Variants in SH3D19 observed in about 807,000 individuals in gnomAD.
SH3D19 encodes SH3 domain containing 19.
SH3D19 carries 58 observed loss-of-function variants against 112.1 expected under a neutral mutation model. The observed-to-expected ratio is 0.52, with a 90% CI of 0.42 to 0.64. The LOEUF (loss-of-function observed/expected upper bound fraction) is 0.64, where lower values mean the gene tolerates loss of function less well. Among genes scored for constraint, SH3D19 ranks in the 30% least tolerant of loss-of-function variants. The probability of loss-of-function intolerance (pLI) is 0.00; values close to 1 mark genes in which losing one functional copy is unlikely to be tolerated. For synonymous variants in SH3D19, 391 were observed against 448.5 expected, an observed-to-expected ratio of 0.87 and a Z score of 1.62; for missense variants, 1,090 against 1,263.4, an observed-to-expected ratio of 0.86 and a Z score of 2.08.
intron 12 of SH3D19, among the ~76,000 whole-genome samples, chr4:151,142,852 T>C (rs1753247175): frequency 2.0e-5 from 3 of 152,166 alleles, no homozygotes. Flanking sequence ...TTATCACCAA[T>C]AGCTGCCCAT....
intron 15 of SH3D19, among the ~76,000 whole-genome samples, chr4:151,133,548 T>C (rs1751196550): frequency 6.6e-6 from 1 of 152,168 alleles, no homozygotes; most frequent in Admixed American, 6.5e-5. Context: ...GCCACAGCAA[T>C]CCGTGGTCCA....
At chr4:151,306,861 G>A (rs1728962099) in intron 1 of SH3D19, among the ~76,000 whole-genome samples, 1 of 152,160 alleles carries the variant, frequency 6.6e-6, no homozygotes, top group Non-Finnish European at 1.5e-5. Context: ...CACTGGACTT[G>A]TCCCTCATGT....
intron 2 of SH3D19, among the ~76,000 whole-genome samples, chr4:151,200,740 G>C (rs1385309326): frequency 6.6e-6 from 1 of 152,216 alleles, no homozygotes; most frequent in Non-Finnish European, 1.5e-5. Context: ...CAAAAAAACT[G>C]AGGAAACATT....
chr4:151,129,509 A>G (rs2149730992), intron 17 of SH3D19, among the ~76,000 whole-genome samples: 1 of 152,274 alleles, frequency 6.6e-6, no homozygotes, highest in East Asian at 1.9e-4. Context: ...AGCTAGGACT[A>G]CAGGTGCACA....
Position 151,135,080 on chromosome 4 carries a change from C to T in SH3D19, c.2480G>A (p.Cys827Tyr), listed in dbSNP as rs759704279. ...GAACACAAATAAAACTTACTTAACA[C>T]AATGAGATGAAACACATTCTCTTTT... ...NGKRECVSSH[C>Y]VKGSRCVARF... Residue 827 changes from cysteine (C) to tyrosine (Y), a missense_variant, in exon 15 of 20, where the codon TGT becomes TAT. Transcript: ENST00000604030. The T allele has an allele frequency of 6.2e-7, 1 of 1,601,836 alleles. No homozygotes were observed. Among genetic ancestry groups the T allele is most frequent in the Admixed American group, 1.7e-5 (1 of 58,526 alleles).
At position 151,169,483 on chromosome 4, in the gene SH3D19, G is replaced by A. The variant is rs116087467; in HGVS notation, c.1535-3787C>T. 6.6e-3 allele frequency among the ~76,000 whole-genome samples: 1,001 copies of A among 152,238 alleles called. 8 individuals carry two copies. The highest frequency in any genetic ancestry group is 0.023 in the African/African-American group (967 of 41,546). ...CCATGTGAGGAGTGCAGATTAGTGG[G>A]GAGGATAAACAGCATCACTTCAATG... On this transcript the variant is annotated intron_variant, in intron 7 of 19. Coordinates refer to ENST00000604030, the MANE Select transcript of SH3D19 (RefSeq NM_001378122.1).
intron 1 of SH3D19, among the ~76,000 whole-genome samples, chr4:151,288,176 G>A (rs1000215090): frequency 6.6e-6 from 1 of 152,010 alleles, no homozygotes; most frequent in Non-Finnish European, 1.5e-5. Context: ...AAAATACTTC[G>A]TGGTAAAATA....
chr4:151,312,762 C>T (rs1286213225), intron 1 of SH3D19, among the ~76,000 whole-genome samples: 1 of 151,682 alleles, frequency 6.6e-6, no homozygotes, highest in Non-Finnish European at 1.5e-5. Context: ...TTAGCTGGGC[C>T]TGGTGGTGGG....
At chr4:151,303,684 A>G (rs1202315174) in intron 1 of SH3D19, among the ~76,000 whole-genome samples, 2 of 152,164 alleles carry the variant, frequency 1.3e-5, no homozygotes, top group African/African-American at 4.8e-5. Context: ...TTAACAACAA[A>G]GAGGAATATA....
rs570648415 is a variant in SH3D19 at position 151,263,187 on chromosome 4, T to C, written c.113-37101A>G. 1.7e-4 allele frequency among the ~76,000 whole-genome samples: 26 copies of C among 152,288 alleles called. No homozygotes were observed. The East Asian group carries it at 4.4e-3, about 26-fold the overall frequency. On this transcript the variant is annotated intron_variant, in intron 1 of 19. Transcript: ENST00000604030. ...TGGTTGATTCTAACAAATTAGTTCTTATATTCATTCTTTTGATGAAATTGA... is the reference window on the plus strand; with the variant it reads ...TGGTTGATTCTAACAAATTAGTTCTCATATTCATTCTTTTGATGAAATTGA...
chr4:151,245,750 C>T (rs545210365), intron 1 of SH3D19, among the ~76,000 whole-genome samples: 11 of 152,210 alleles, frequency 7.2e-5, no homozygotes, highest in South Asian at 2.1e-4. Flanking sequence ...TACAGGCACG[C>T]GCCACCATGC....
chr4:151,222,659 C>CTCTCTCTCAA (rs1272906612), intron 2 of SH3D19, among the ~76,000 whole-genome samples: 2 of 115,398 alleles, frequency 1.7e-5, no homozygotes, highest in African/African-American at 6.2e-5. Flanking sequence ...TCTTTGGTCT[C>CTCTCTCTCAA]TCTCTCTCTT....
intron 1 of SH3D19, among the ~76,000 whole-genome samples, chr4:151,272,018 C>G (rs969921571): frequency 1.3e-5 from 2 of 152,130 alleles, no homozygotes; most frequent in Non-Finnish European, 2.9e-5. Flanking sequence ...GAGCTGTGTT[C>G]AGGAAAGTCC....
chr4:151,310,471 T>G (rs551268435), intron 1 of SH3D19, among the ~76,000 whole-genome samples: 1 of 152,264 alleles, frequency 6.6e-6, no homozygotes, highest in South Asian at 2.1e-4. Context: ...GGTATAGCCA[T>G]TATGGAAAAC....
chr4:151,324,270 T>C (rs1362285033), intron 1 of SH3D19, among the ~76,000 whole-genome samples: 1 of 152,220 alleles, frequency 6.6e-6, no homozygotes, highest in African/African-American at 2.4e-5. Flanking sequence ...CTTCTCTATT[T>C]TTCCAACTTT....
At chr4:151,167,034 A>G (rs1758157418) in intron 7 of SH3D19, among the ~76,000 whole-genome samples, 1 of 152,148 alleles carries the variant, frequency 6.6e-6, no homozygotes, top group Non-Finnish European at 1.5e-5. Context: ...CCAGATGGCA[A>G]GCTAGCTAAA....
intron 1 of SH3D19, among the ~76,000 whole-genome samples, chr4:151,247,850 C>T (rs1771051763): frequency 6.6e-6 from 1 of 152,148 alleles, no homozygotes; most frequent in Non-Finnish European, 1.5e-5. Flanking sequence ...GTACTCTGCA[C>T]AAATAGTATA....
chr4:151,226,056 C>T lies in SH3D19; in HGVS notation c.143G>A (p.Arg48His). The T allele has an allele frequency of 8.1e-6, 10 of 1,231,454 alleles. No individual in the cohort carries two copies. The highest frequency in any genetic ancestry group is 1.0e-5 in the Non-Finnish European group (10 of 987,482). 76.3% of individuals were successfully genotyped at this position (1,231,454 alleles called of 1,614,324 possible). ...DRNERNKPEH[R>H]SSSQGPLSSI... Reference sequence around the variant, plus strand: ...TACTGTAAATTCATACCTTGAAGAACGATGTTCTGGTTTATTTCGTTCGTT... The same window carrying T: ...TACTGTAAATTCATACCTTGAAGAATGATGTTCTGGTTTATTTCGTTCGTT... Residue 48 changes from arginine to histidine, a missense_variant, in exon 2 of 20, where the codon CGT (arginine) becomes CAT (histidine). Physicochemically the swap from Arg to His is conservative, Grantham distance 29 (BLOSUM62 0). Coordinates refer to ENST00000604030, the MANE Select transcript of SH3D19 (RefSeq NM_001378122.1).
chr4:151,174,640 A>G, intron 7 of SH3D19, 30 bp downstream of exon 7: 3 of 1,490,864 alleles, frequency 2.0e-6, no homozygotes, highest in Non-Finnish European at 2.7e-6. Context: ...ATGAGTTTAG[A>G]TTCCCCTCCA....
Sources: gnomAD v4.1 joint callset for allele counts (sites outside exome capture counted in the v4.1 genomes callset) on GRCh38, gnomAD v4.1.1 for gene constraint, MANE v1.5 for transcripts, NCBI Gene and HGNC (gene_info 2026-07-23, HGNC 2026-07-21) for gene names.